Variants in MRTFA observed in about 807,000 individuals in gnomAD.
MRTFA encodes the protein myocardin related transcription factor A, also known as myocardin-related transcription factor A.
MRTFA carries 20 observed loss-of-function variants against 83.5 expected under a neutral mutation model. That is an observed-to-expected ratio of 0.24 (90% CI 0.17 to 0.35). MRTFA has a LOEUF of 0.35. Among genes scored for constraint, MRTFA ranks in the 10% least tolerant of loss-of-function variants. MRTFA has a pLI of 1.00. For synonymous variants in MRTFA, 659 were observed against 541.2 expected (o/e 1.22, Z -3.02); for missense variants, 1,200 against 1,224.7 (o/e 0.98, Z 0.30).
At chr22:40,587,167 T>A in intron 2 of MRTFA, 1 of 461,170 alleles carries the variant, frequency 2.2e-6, no homozygotes, top group Non-Finnish European at 4.4e-6. Context: ...ATTGATCATC[T>A]TGTGCATGCA....
In MRTFA at chr22:40,463,305, A is replaced by G; in HGVS notation, c.242-19T>C. 1 of 1,612,036 alleles carries G rather than the reference A, an allele frequency of 6.2e-7. No homozygotes were observed. Among genetic ancestry groups the G allele is most frequent in the South Asian group, 1.1e-5 (1 of 90,980 alleles). Reference sequence around the variant, plus strand: ...TGTAGCACTGCAGGGCAGCAGAGAGAGAGGAGAGATGAGGGGTCAGTTGGG... The same window carrying G: ...TGTAGCACTGCAGGGCAGCAGAGAGGGAGGAGAGATGAGGGGTCAGTTGGG... On this transcript the variant is annotated intron_variant, in intron 3 of 14. Coordinates refer to ENST00000355630, the MANE Select transcript of MRTFA (RefSeq NM_020831.6).
At chr22:40,536,401 G>A (rs2055175906) in intron 3 of MRTFA, among the ~76,000 whole-genome samples, 1 of 150,654 alleles carries the variant, frequency 6.6e-6, no homozygotes, top group Non-Finnish European at 1.5e-5. Flanking sequence ...CGCGGCGCCG[G>A]CGAGCGCCGC....
intron 2 of MRTFA, among the ~76,000 whole-genome samples, chr22:40,589,901 A>T (rs1410879286): frequency 2.0e-5 from 3 of 152,086 alleles, no homozygotes; most frequent in Admixed American, 2.0e-4. Context: ...ACACACCTGT[A>T]ATCCCAGCTA....
At chr22:40,620,423 CT>C (rs747409456) in intron 1 of MRTFA, among the ~76,000 whole-genome samples, 28,443 of 94,506 alleles carry the variant, frequency 0.3, 2,161 homozygotes, top group East Asian at 0.43. Flanking sequence ...AACATGCAGT[CT>C]TTTTTTTTTT....
At chr22:40,540,888 G>A (rs1453398715) in intron 3 of MRTFA, among the ~76,000 whole-genome samples, 1 of 151,650 alleles carries the variant, frequency 6.6e-6, no homozygotes, top group Non-Finnish European at 1.5e-5. Flanking sequence ...TGTGCCAAGT[G>A]GAATGAAAAG....
chr22:40,574,653 C>T (rs770872602), intron 2 of MRTFA, among the ~76,000 whole-genome samples: 7 of 151,962 alleles, frequency 4.6e-5, no homozygotes, highest in Non-Finnish European at 5.9e-5. Flanking sequence ...AGGCTGGTCT[C>T]CAACACCTGG....
rs1184251428 is a variant in MRTFA, at chr22:40,420,394, T to G, written c.1353+11A>C. 1 of 1,608,394 alleles carries G rather than the reference T, an allele frequency of 6.2e-7. No individual in the cohort carries two copies. Among genetic ancestry groups the G allele is most frequent in the Non-Finnish European group, 8.5e-7 (1 of 1,177,092 alleles). ...GCTGGCAGTGGCTCAAGTTTTCCAGTGGCCATGTACCTTCATGTCGTCCAG... is the reference window on the plus strand; with the variant it reads ...GCTGGCAGTGGCTCAAGTTTTCCAGGGGCCATGTACCTTCATGTCGTCCAG... On this transcript the variant is annotated intron_variant, in intron 11 of 14. Coordinates refer to ENST00000355630, the MANE Select transcript of MRTFA (RefSeq NM_020831.6).
At chr22:40,520,208 T>C (rs1420385318) in intron 3 of MRTFA, among the ~76,000 whole-genome samples, 1 of 152,208 alleles carries the variant, frequency 6.6e-6, no homozygotes, top group Middle Eastern at 3.2e-3. Context: ...TCACATACTA[T>C]AAAATTCAAC....
intron 3 of MRTFA, among the ~76,000 whole-genome samples, chr22:40,529,341 G>C (rs1189866057): frequency 1.3e-5 from 2 of 152,070 alleles, no homozygotes; most frequent in African/African-American, 2.4e-5. Context: ...TTTTGAGATG[G>C]AATCTTGCTG....
chr22:40,452,279 T>C (rs1214799295), intron 4 of MRTFA, among the ~76,000 whole-genome samples: 1 of 152,160 alleles, frequency 6.6e-6, no homozygotes, highest in African/African-American at 2.4e-5. Context: ...CTATCGCGCC[T>C]GGCCTGAAGA....
intron 1 of MRTFA, among the ~76,000 whole-genome samples, chr22:40,634,159 C>T (rs2056669767): frequency 6.6e-6 from 1 of 151,704 alleles, no homozygotes; most frequent in Non-Finnish European, 1.5e-5. Flanking sequence ...GTGAACATAG[C>T]TTACTGCCAC....
chr22:40,464,194 A>G (rs570320133), intron 3 of MRTFA, among the ~76,000 whole-genome samples: 4 of 150,152 alleles, frequency 2.7e-5, no homozygotes, highest in South Asian at 2.1e-4. Context: ...CCAGCTACTC[A>G]GGAGGCTGAG....
chr22:40,491,580 A>G (rs1331788225), intron 3 of MRTFA, among the ~76,000 whole-genome samples: 1 of 152,218 alleles, frequency 6.6e-6, no homozygotes, highest in Non-Finnish European at 1.5e-5. Flanking sequence ...ATGATCATCA[A>G]TAGCTCCCAT....
intron 3 of MRTFA, among the ~76,000 whole-genome samples, chr22:40,540,687 G>T (rs987295589): frequency 7.0e-6 from 1 of 143,574 alleles, no homozygotes; most frequent in Non-Finnish European, 1.5e-5. Context: ...GGCTGAGGCA[G>T]AATTGCTTGA....
At chr22:40,613,931 G>C (rs1340533606) in intron 1 of MRTFA, among the ~76,000 whole-genome samples, 1 of 151,918 alleles carries the variant, frequency 6.6e-6, no homozygotes, top group African/African-American at 2.4e-5. Flanking sequence ...CGGGCGTGGT[G>C]GCTCATGCCT....
chr22:40,627,977 A>AT (rs1287601800), intron 1 of MRTFA, among the ~76,000 whole-genome samples: 13 of 152,330 alleles, frequency 8.5e-5, no homozygotes, highest in African/African-American at 3.1e-4. Context: ...TCTAAAAAAA[A>AT]CAAAAAAGCA....
intron 3 of MRTFA, among the ~76,000 whole-genome samples, chr22:40,540,005 GCTCAAACGATCCCCCCATCTCAGC>G (rs2055263467): frequency 6.7e-6 from 1 of 150,146 alleles, no homozygotes; most frequent in Non-Finnish European, 1.5e-5. Flanking sequence ...GACCTCCCAG[GCTCAAACGATCCCCCCATCTCAGC>G]CTCCCAAGTA....
intron 2 of MRTFA, among the ~76,000 whole-genome samples, chr22:40,593,026 G>A (rs533802162): frequency 6.6e-6 from 1 of 152,148 alleles, no homozygotes; most frequent in East Asian, 1.9e-4. Flanking sequence ...TTTGAGCTCT[G>A]AAAATATTAA....
intron 3 of MRTFA, among the ~76,000 whole-genome samples, chr22:40,497,685 G>A (rs530427101): frequency 2.0e-5 from 3 of 152,152 alleles, no homozygotes; most frequent in South Asian, 2.1e-4. Context: ...CTTGGGAGGC[G>A]GAGGTTGCAG....
Sources: gnomAD v4.1 joint callset for allele counts (sites outside exome capture counted in the v4.1 genomes callset) on GRCh38, gnomAD v4.1.1 for gene constraint, MANE v1.5 for transcripts, NCBI Gene and HGNC (gene_info 2026-07-23, HGNC 2026-07-21) for gene names.